Variants in RTL4 observed in about 807,000 individuals in gnomAD.
RTL4 encodes retrotransposon Gag-like protein 4.
A neutral mutation model predicts 5.3 loss-of-function variants in RTL4; 4 were observed. The observed-to-expected ratio is 0.75, with a 90% CI of 0.37 to 1.72. The LOEUF (loss-of-function observed/expected upper bound fraction) is 1.72. Among genes scored for constraint, RTL4 ranks in the 40% most tolerant of loss-of-function variants. The pLI is 0.04. For missense variants in RTL4, 260 were observed against 227.1 expected, an observed-to-expected ratio of 1.14 and a Z score of -0.93; for synonymous variants, 98 against 87.3, an observed-to-expected ratio of 1.12 and a Z score of -0.68.
chrX:112,273,339 C>T, the RTL4 span, among the ~76,000 whole-genome samples: 2 of 108,930 alleles, frequency 1.8e-5, no homozygotes, highest in Admixed American at 9.8e-5. Flanking sequence ...CTGCAAGCTC[C>T]GCCTCCCGGG....
the RTL4 span, among the ~76,000 whole-genome samples, chrX:112,181,654 T>C: frequency 8.9e-6 from 1 of 112,101 alleles, no homozygotes; most frequent in Admixed American, 9.4e-5. Context: ...GGGCAGGGCA[T>C]CTCTGAAAGA....
chrX:112,254,190 G>A, the RTL4 span, among the ~76,000 whole-genome samples: 1 of 111,709 alleles, frequency 9.0e-6, no homozygotes. Context: ...AGCTTCTAGT[G>A]ACAAGAAGCC....
At chrX:112,362,412 A>G in the RTL4 span, among the ~76,000 whole-genome samples, 20 of 111,992 alleles carry the variant, frequency 1.8e-4, no homozygotes, top group African/African-American at 6.5e-4. Context: ...AATGGGCAGA[A>G]GTAGAGGTTT....
the RTL4 span, among the ~76,000 whole-genome samples, chrX:112,406,042 C>T: frequency 2.7e-5 from 3 of 110,681 alleles, no homozygotes; most frequent in Non-Finnish European, 5.7e-5. Flanking sequence ...CACCCCTAGC[C>T]AGAGGGAAAT....
the RTL4 span, among the ~76,000 whole-genome samples, chrX:112,085,833 A>C: frequency 8.0e-5 from 9 of 112,063 alleles, no homozygotes; most frequent in African/African-American, 2.3e-4. Context: ...AAAATAATGA[A>C]TATTTTGTGA....
At chrX:112,312,133 A>C in the RTL4 span, among the ~76,000 whole-genome samples, 5 of 111,488 alleles carry the variant, frequency 4.5e-5, no homozygotes, top group Non-Finnish European at 3.8e-5. Context: ...TCCAGACATC[A>C]AAGTGTAGTA....
At chrX:112,120,369 C>T in the RTL4 span, among the ~76,000 whole-genome samples, 1 of 111,838 alleles carries the variant, frequency 8.9e-6, no homozygotes, top group Non-Finnish European at 1.9e-5. Context: ...CTCCGCCTCC[C>T]AGGTTCATGC....
chrX:112,222,960 T>C, the RTL4 span, among the ~76,000 whole-genome samples: 1 of 112,440 alleles, frequency 8.9e-6, no homozygotes, highest in Admixed American at 9.4e-5. Context: ...CAAATGTTAA[T>C]GTATCATGGA....
the RTL4 span, among the ~76,000 whole-genome samples, chrX:112,086,837 G>A: frequency 3.6e-5 from 4 of 111,832 alleles, no homozygotes; most frequent in Non-Finnish European, 7.5e-5. Context: ...TTGGGACGAC[G>A]AATGACTGTA....
chrX:112,233,578 C>G, the RTL4 span, among the ~76,000 whole-genome samples: 1 of 111,546 alleles, frequency 9.0e-6, no homozygotes, highest in African/African-American at 3.3e-5. Context: ...TCTATTTTAA[C>G]TCTAAAACTT....
At chrX:112,356,526 G>T in the RTL4 span, among the ~76,000 whole-genome samples, 1 of 110,725 alleles carries the variant, frequency 9.0e-6, no homozygotes. Flanking sequence ...ATACCACGTT[G>T]TGTGTAGAAA....
the RTL4 span, among the ~76,000 whole-genome samples, chrX:112,088,536 G>A: frequency 6.6e-3 from 735 of 111,901 alleles, 6 homozygotes; most frequent in African/African-American, 0.022. Flanking sequence ...ACAAGTATTC[G>A]TTTTAATACA....
the RTL4 span, among the ~76,000 whole-genome samples, chrX:112,215,004 G>A: frequency 9.0e-6 from 1 of 111,227 alleles, no homozygotes; most frequent in Non-Finnish European, 1.9e-5. Context: ...TAGCCAGGAT[G>A]GTCTCGATCT....
the RTL4 span, among the ~76,000 whole-genome samples, chrX:112,373,923 CAA>C: frequency 1.4e-4 from 15 of 110,693 alleles, no homozygotes; most frequent in South Asian, 5.3e-3. Flanking sequence ...TTGCTCAACA[CAA>C]AGTTTTTTAG....
At chrX:112,109,993 G>C in the RTL4 span, among the ~76,000 whole-genome samples, 2 of 111,890 alleles carry the variant, frequency 1.8e-5, no homozygotes, top group Non-Finnish European at 3.8e-5. Context: ...CTTGATCCTG[G>C]AGGAAACAGA....
chrX:112,175,925 G>C, the RTL4 span, among the ~76,000 whole-genome samples: 1 of 110,563 alleles, frequency 9.0e-6, no homozygotes, highest in Non-Finnish European at 1.9e-5. Context: ...ATTAGGAAAA[G>C]AGGAAGTCAA....
At chrX:112,100,038 A>G in the RTL4 span, among the ~76,000 whole-genome samples, 56 of 112,139 alleles carry the variant, frequency 5.0e-4, no homozygotes, top group African/African-American at 1.2e-3. Context: ...AATCAACTCA[A>G]TTTTGGGATG....
chrX:112,099,200 C>G, the RTL4 span, among the ~76,000 whole-genome samples: 1 of 111,683 alleles, frequency 9.0e-6, no homozygotes, highest in South Asian at 3.7e-4. Context: ...AAAAAACAAA[C>G]AACCCCATCA....
At chrX:112,352,849 A>G in the RTL4 span, among the ~76,000 whole-genome samples, 1,137 of 112,021 alleles carry the variant, frequency 0.01, 15 homozygotes, top group African/African-American at 0.035. Flanking sequence ...ATTAAACTAA[A>G]GAGCTTCTGC....
Sources: gnomAD v4.1 joint callset for allele counts (sites outside exome capture counted in the v4.1 genomes callset) on GRCh38, gnomAD v4.1.1 for gene constraint, MANE v1.5 for transcripts, NCBI Gene and HGNC (gene_info 2026-07-23, HGNC 2026-07-21) for gene names.